The following WWP2 variants were observed in gnomAD, a reference collection of about 807,000 sequenced individuals.
WWP2 encodes the protein WW domain containing E3 ubiquitin protein ligase 2.
In WWP2, 57 loss-of-function variants were observed where a neutral mutation model predicts 121.0. That is an observed-to-expected ratio of 0.47 (90% CI 0.38 to 0.59). WWP2 has a LOEUF of 0.59. Among genes scored for constraint, WWP2 ranks in the 20% least tolerant of loss-of-function variants. The pLI, the probability that WWP2 is intolerant of heterozygous loss-of-function variation, is 0.00. For synonymous variants in WWP2, 449 were observed against 441.3 expected (o/e 1.02, Z -0.22); for missense variants, 962 against 1,158.9 (o/e 0.83, Z 2.47).
intron 1 of WWP2, among the ~76,000 whole-genome samples, chr16:69,785,678 G>A (rs1360439220): frequency 1.3e-5 from 2 of 150,508 alleles, no homozygotes; most frequent in Non-Finnish European, 3.0e-5. Context: ...CCAGGCTGGA[G>A]TGCCATGGCA....
At chr16:69,870,441 C>T (rs375885473) in intron 6 of WWP2, among the ~76,000 whole-genome samples, 2 of 152,130 alleles carry the variant, frequency 1.3e-5, no homozygotes, top group South Asian at 4.2e-4. Context: ...GCTGGGACTA[C>T]AGGCATGCAC....
At chr16:69,866,549 G>A (rs1291301828) in intron 6 of WWP2, among the ~76,000 whole-genome samples, 3 of 152,058 alleles carry the variant, frequency 2.0e-5, no homozygotes, top group Non-Finnish European at 2.9e-5. Flanking sequence ...CATTTAAATG[G>A]AACCACACAG....
chr16:69,799,810 G>A lies in WWP2; in HGVS notation c.340+515G>A, dbSNP rs963557723. Among the ~76,000 whole-genome samples, 1 of 152,154 alleles carries A rather than the reference G, an allele frequency of 6.6e-6. No homozygotes were observed. The highest frequency in any genetic ancestry group is 6.6e-5 in the Admixed American group (1 of 15,262). On this transcript the variant is annotated intron_variant, in intron 4 of 23. Coordinates refer to ENST00000359154, the MANE Select transcript of WWP2 (RefSeq NM_001270454.2). The surrounding 1 kb of genome is among the most constrained non-coding windows in gnomAD (Gnocchi z 4.5). ...AAACATTTACTGGATGTTGGAACGT[G>A]ATGGACGCGCCATCTGAATTAGCCA...
intron 1 of WWP2, among the ~76,000 whole-genome samples, chr16:69,785,222 A>T (rs1597661446): frequency 6.8e-6 from 1 of 147,468 alleles, no homozygotes. Context: ...GGTGTGTGAG[A>T]CTGTCTCAAA....
At chr16:69,869,493 G>A (rs568461184) in intron 6 of WWP2, among the ~76,000 whole-genome samples, 4 of 151,402 alleles carry the variant, frequency 2.6e-5, no homozygotes, top group South Asian at 2.1e-4. Flanking sequence ...ACAGGGGCAC[G>A]CCACCACACC....
At chr16:69,793,611 A>G (rs988326500) in intron 2 of WWP2, among the ~76,000 whole-genome samples, 3 of 152,130 alleles carry the variant, frequency 2.0e-5, no homozygotes, top group African/African-American at 4.8e-5. Context: ...GGGTGGGGCC[A>G]CAGGATAATT....
chr16:69,905,491 C>G (rs75627846), intron 8 of WWP2, among the ~76,000 whole-genome samples: 1 of 152,060 alleles, frequency 6.6e-6, no homozygotes, highest in African/African-American at 2.4e-5. Context: ...TTTTGAGTTC[C>G]GACATGATGC....
At chr16:69,920,415 G>A (rs919356719) in intron 10 of WWP2, among the ~76,000 whole-genome samples, 1 of 152,070 alleles carries the variant, frequency 6.6e-6, no homozygotes, top group African/African-American at 2.4e-5. Context: ...ATGGAATCTG[G>A]TCTTTCACCA....
In WWP2 at chr16:69,925,993, C is replaced by T. The variant is rs904310701; in HGVS notation, c.1234+509C>T. 1 of 152,428 alleles carries T rather than the reference C, an allele frequency of 6.6e-6. No individual in the cohort carries two copies. The highest frequency in any genetic ancestry group is 1.5e-5 in the Non-Finnish European group (1 of 68,256). 9.4% of individuals were successfully genotyped at this position (152,428 alleles called of 1,614,324 possible). ...TTTCTGACATAGCTGTGAAAGAGGC[C>T]AGAGGGAAGCAGATACGAGAGTTGA... is the stretch of plus-strand genomic sequence containing the variant. On this transcript the variant is annotated intron_variant, in intron 11 of 23. Transcript: ENST00000359154. This position sits in a 1 kb window ranked among gnomAD's most constrained non-coding sequence, Gnocchi z 4.0.
At chr16:69,871,638 C>G in intron 6 of WWP2, 166 bp from the exon 7 acceptor site, 1 of 938,188 alleles carries the variant, frequency 1.1e-6, no homozygotes, top group Non-Finnish European at 1.5e-6. Flanking sequence ...TTCCCTGGGT[C>G]TCTCTGCTTG....
chr16:69,850,563 A>C (rs2057189434), intron 6 of WWP2, among the ~76,000 whole-genome samples: 1 of 152,054 alleles, frequency 6.6e-6, no homozygotes, highest in African/African-American at 2.4e-5. Context: ...AGATTTGGGG[A>C]AGACCTCCCA....
intron 4 of WWP2, among the ~76,000 whole-genome samples, chr16:69,805,024 T>C (rs1307426419): frequency 6.6e-6 from 1 of 152,076 alleles, no homozygotes; most frequent in African/African-American, 2.4e-5. Flanking sequence ...CAGTAGTTTC[T>C]TTTGAGTTTG....
At chr16:69,772,338 C>G (rs1263161963) in intron 1 of WWP2, among the ~76,000 whole-genome samples, 1 of 152,114 alleles carries the variant, frequency 6.6e-6, no homozygotes, top group African/African-American at 2.4e-5. Context: ...GCCAGTCCTC[C>G]TGTTTTTAGC....
intron 9 of WWP2, among the ~76,000 whole-genome samples, chr16:69,912,291 C>CAA (rs1367606406): frequency 8.7e-6 from 1 of 115,256 alleles, no homozygotes; most frequent in Non-Finnish European, 1.8e-5. Context: ...GACTCCATCT[C>CAA]AAAAAAAAAC....
At chr16:69,896,955 C>T (rs1271531315) in intron 8 of WWP2, among the ~76,000 whole-genome samples, 1 of 152,110 alleles carries the variant, frequency 6.6e-6, no homozygotes, top group East Asian at 1.9e-4. Flanking sequence ...GATAATCTTC[C>T]AGTATATGCT....
At chr16:69,847,936 A>G (rs2057116223) in intron 6 of WWP2, among the ~76,000 whole-genome samples, 1 of 152,158 alleles carries the variant, frequency 6.6e-6, no homozygotes, top group Admixed American at 6.5e-5. Context: ...AATGAAGCCC[A>G]CAGGACTGTC....
chr16:69,797,965 A>G (rs1318965544), intron 2 of WWP2, among the ~76,000 whole-genome samples: 2 of 151,798 alleles, frequency 1.3e-5, no homozygotes, highest in Non-Finnish European at 1.5e-5. Context: ...CAGCCCTCCC[A>G]CCTTGGCCTC....
intron 6 of WWP2, among the ~76,000 whole-genome samples, chr16:69,862,375 T>A (rs1456058680): frequency 1.3e-5 from 2 of 152,010 alleles, no homozygotes; most frequent in Non-Finnish European, 2.9e-5. Context: ...CTTGTTTTGT[T>A]TTTTTGAGAT....
At chr16:69,825,254 G>A (rs1345424810) in intron 4 of WWP2, among the ~76,000 whole-genome samples, 6 of 151,444 alleles carry the variant, frequency 4.0e-5, no homozygotes, top group South Asian at 2.1e-4. Context: ...GTGAAACCCC[G>A]TCTCTACTAA....
Sources: allele counts gnomAD v4.1 joint callset (sites outside exome capture counted in the v4.1 genomes callset), GRCh38; gene constraint gnomAD v4.1.1; non-coding constraint Gnocchi (gnomAD v3.1); transcripts MANE v1.5; gene names NCBI Gene and HGNC (gene_info 2026-07-23, HGNC 2026-07-21).